Variants in MATN2 observed in about 807,000 individuals in gnomAD.
MATN2 encodes the protein matrilin 2, also known as matrilin-2.
Under a neutral mutation model 103.2 loss-of-function variants are expected in MATN2, and 69 were observed. The observed-to-expected ratio is 0.67, with a 90% CI of 0.55 to 0.82. MATN2 has a LOEUF of 0.82. Among genes scored for constraint, MATN2 ranks in the 40% least tolerant of loss-of-function variants. MATN2 has a pLI of 0.00. For synonymous variants in MATN2, 429 were observed against 450.2 expected, an observed-to-expected ratio of 0.95 and a Z score of 0.60; for missense variants, 1,023 against 1,211.5, an observed-to-expected ratio of 0.84 and a Z score of 2.31.
rs765749107 is a variant in MATN2, at chr8:98,018,110, T to C, written c.1813T>C (p.Cys605Arg). 7 of 1,613,728 alleles carry C rather than the reference T, an allele frequency of 4.3e-6. No homozygotes were observed. The African/African-American group carries it at 9.3e-5, about 22-fold the overall frequency. ...GFRLAEDGKR[C>R]RRKDVCKSTH... Reference sequence around the variant, plus strand: ...CCGGCTCGCTGAGGATGGGAAACGCTGCCGAAGTAAGTAGCCTCGAGGTGG... The same window carrying C: ...CCGGCTCGCTGAGGATGGGAAACGCCGCCGAAGTAAGTAGCCTCGAGGTGG... The change falls in exon 12 of 19, where the codon TGC becomes CGC. Residue 605 changes from cysteine (C) to arginine (R), a missense_variant. Coordinates refer to ENST00000254898, the MANE Select transcript of MATN2 (RefSeq NM_002380.5).
intron 5 of MATN2, among the ~76,000 whole-genome samples, chr8:97,972,753 G>A (rs182113330): frequency 2.0e-5 from 3 of 152,328 alleles, no homozygotes; most frequent in African/African-American, 7.2e-5. Context: ...GAGAATGAAT[G>A]TGGCAAGACT....
chr8:97,965,864 G>A (rs1164241640), intron 5 of MATN2, among the ~76,000 whole-genome samples: 10 of 151,962 alleles, frequency 6.6e-5, no homozygotes, highest in African/African-American at 2.4e-4. Flanking sequence ...GTCACCTGTA[G>A]TCCCAGCTAC....
rs1813577139 is a variant in MATN2 at position 98,021,194 on chromosome 8, A to G, written c.1820-11A>G. On this transcript the variant is annotated splice_polypyrimidine_tract_variant and intron_variant, in intron 12 of 18. Coordinates refer to ENST00000254898, the MANE Select transcript of MATN2 (RefSeq NM_002380.5). The stretch of plus-strand genomic sequence containing the variant: ...CTGATGGGATTGTTCAACTCCCTAC[A>G]TTTTCCTCAGGGAAGGATGTCTGCA... 6.2e-7 allele frequency: 1 copy of G among 1,612,558 alleles called. No homozygotes were observed. The highest frequency in any genetic ancestry group is 1.7e-5 in the Admixed American group (1 of 59,980).
chr8:97,919,849 A>G (rs1253863415), intron 2 of MATN2, among the ~76,000 whole-genome samples: 1 of 152,234 alleles, frequency 6.6e-6, no homozygotes, highest in Non-Finnish European at 1.5e-5. Context: ...ACACTCAGAC[A>G]GAGGTAAGCA....
intron 7 of MATN2, among the ~76,000 whole-genome samples, chr8:97,998,017 A>C (rs536705227): frequency 1.4e-4 from 21 of 149,852 alleles, no homozygotes; most frequent in African/African-American, 4.9e-4. Flanking sequence ...ACGGGGTTTC[A>C]CCATGTTGTC....
chr8:97,943,030 C>A (rs1353569162), intron 4 of MATN2, among the ~76,000 whole-genome samples: 1 of 152,104 alleles, frequency 6.6e-6, no homozygotes, highest in Non-Finnish European at 1.5e-5. Context: ...TCTAAGACCC[C>A]AGGATCCCAA....
chr8:97,924,015 T>A (rs1282014391), intron 2 of MATN2, among the ~76,000 whole-genome samples: 3 of 152,224 alleles, frequency 2.0e-5, no homozygotes, highest in Non-Finnish European at 4.4e-5. Flanking sequence ...AGTTAATTGA[T>A]CCTGCTATTT....
chr8:97,888,375 C>G, intron 2 of MATN2, 133 bp downstream of exon 2: 1 of 1,083,632 alleles, frequency 9.2e-7, no homozygotes, highest in South Asian at 2.5e-5. Context: ...GGCCTGGGGT[C>G]CTCACTGGTG....
At chr8:97,958,690 G>T (rs746980101) in intron 4 of MATN2, among the ~76,000 whole-genome samples, 5 of 152,170 alleles carry the variant, frequency 3.3e-5, no homozygotes, top group Non-Finnish European at 5.9e-5. Context: ...TTTGCTAGAG[G>T]TGCTTAAATT....
intron 5 of MATN2, among the ~76,000 whole-genome samples, chr8:97,966,725 A>G (rs1377520739): frequency 6.6e-6 from 1 of 152,200 alleles, no homozygotes; most frequent in Non-Finnish European, 1.5e-5. Flanking sequence ...GAAGCAGCAT[A>G]GTTTATTTCT....
intron 1 of MATN2, among the ~76,000 whole-genome samples, chr8:97,877,367 C>T (rs1205858422): frequency 6.6e-6 from 1 of 151,888 alleles, no homozygotes; most frequent in Non-Finnish European, 1.5e-5. Flanking sequence ...ATCCCAGCTA[C>T]TCTGGAGGCT....
At chr8:97,921,747 C>A (rs921907909) in intron 2 of MATN2, among the ~76,000 whole-genome samples, 2 of 152,180 alleles carry the variant, frequency 1.3e-5, no homozygotes, top group African/African-American at 4.8e-5. Context: ...TGGGTGGGAT[C>A]CCACTGCTGT....
chr8:98,003,843 C>T (rs768939076), intron 8 of MATN2, 60 bp downstream of exon 8: 84 of 1,594,230 alleles, frequency 5.3e-5, no homozygotes, highest in Non-Finnish European at 6.3e-5. Flanking sequence ...TGGGGGCGGG[C>T]GGGTTCACTA....
At chr8:97,985,496 C>T (rs997916362) in intron 6 of MATN2, among the ~76,000 whole-genome samples, 2 of 152,262 alleles carry the variant, frequency 1.3e-5, no homozygotes, top group South Asian at 2.1e-4. Context: ...TGATTATGTT[C>T]TTCTCCAAAT....
intron 2 of MATN2, among the ~76,000 whole-genome samples, chr8:97,900,965 C>T (rs183740570): frequency 5.9e-5 from 9 of 152,184 alleles, no homozygotes; most frequent in African/African-American, 2.2e-4. Context: ...TACTGAGAAC[C>T]CTTTTATTCC....
In MATN2 at chr8:98,027,747, G is replaced by T; in HGVS notation, c.2274G>T (p.Arg758Ser). Residue 758 changes from arginine (R) to serine (S), a missense_variant, in exon 14 of 19, where the codon AGG becomes AGT. Coordinates refer to ENST00000254898, the MANE Select transcript of MATN2 (RefSeq NM_002380.5). The stretch of plus-strand genomic sequence containing the variant: ...AAGGGGCCAGGCCCCTTTCCACAAG[G>T]GTGCCCAGAGCAGCCATTGTGTTCA... Reference protein sequence around the residue: ...QGEGARPLSTRVPRAAIVFTD... With the variant: ...QGEGARPLSTSVPRAAIVFTD... 1.2e-6 allele frequency: 2 copies of T among 1,612,688 alleles called. No individual in the cohort carries two copies. Among genetic ancestry groups the T allele is most frequent in the Non-Finnish European group, 1.7e-6 (2 of 1,179,556 alleles).
chr8:97,976,942 G>T (rs1295487737), intron 5 of MATN2, among the ~76,000 whole-genome samples: 9 of 151,944 alleles, frequency 5.9e-5, no homozygotes, highest in African/African-American at 2.2e-4. Context: ...GTTGAAATTT[G>T]ACCTCTGTGG....
intron 6 of MATN2, among the ~76,000 whole-genome samples, chr8:97,980,424 A>G (rs1485422937): frequency 6.6e-6 from 1 of 152,182 alleles, no homozygotes; most frequent in Non-Finnish European, 1.5e-5. Context: ...GTGGGCTGCC[A>G]GCAGCGGGCC....
rs925853108 is a variant in MATN2 at position 97,869,230 on chromosome 8, C to G, written c.-84C>G. On this transcript the variant is annotated 5_prime_UTR_variant, in exon 1 of 19. Coordinates refer to ENST00000254898, the MANE Select transcript of MATN2 (RefSeq NM_002380.5). ...GCCCTCGGCGAGGCGAAGAGGCCGA[C>G]GAGGAAGACCCGGGTGGCTGCGCCC... 2 of 152,248 alleles carry G rather than the reference C, an allele frequency of 1.3e-5. No homozygotes were observed. The highest frequency in any genetic ancestry group is 4.8e-5 in the African/African-American group (2 of 41,466). 9.4% of individuals were successfully genotyped at this position (152,248 alleles called of 1,614,324 possible).
Sources: gnomAD v4.1 joint callset for allele counts (sites outside exome capture counted in the v4.1 genomes callset) on GRCh38, gnomAD v4.1.1 for gene constraint, MANE v1.5 for transcripts, NCBI Gene and HGNC (gene_info 2026-07-23, HGNC 2026-07-21) for gene names.